The following SPTB variants were observed in gnomAD, a reference collection of about 807,000 sequenced individuals.
The protein encoded by SPTB is spectrin beta chain, erythrocytic.
In SPTB, 45 loss-of-function variants were observed where a neutral mutation model predicts 256.2. That is an observed-to-expected ratio of 0.18 (90% CI 0.14 to 0.23). The LOEUF is 0.23. Among genes scored for constraint, SPTB ranks in the 10% least tolerant of loss-of-function variants. SPTB has a pLI of 1.00. For synonymous variants in SPTB, 1,231 were observed against 1,243.1 expected (o/e 0.99, Z 0.21); for missense variants, 2,715 against 3,040.4 (o/e 0.89, Z 2.52).
intron 1 of SPTB, among the ~76,000 whole-genome samples, 197 bp downstream of exon 1, chr14:64,879,595 G>A (rs1434952713): frequency 6.6e-6 from 1 of 152,196 alleles, no homozygotes. Flanking sequence ...GATCTTTGCC[G>A]CAGCTGCCGG....
intron 12 of SPTB, among the ~76,000 whole-genome samples, 199 bp from the exon 13 acceptor site, chr14:64,794,816 T>A (rs1425300906): frequency 1.3e-5 from 2 of 152,214 alleles, no homozygotes; most frequent in Non-Finnish European, 2.9e-5. Flanking sequence ...GCATCATCCA[T>A]AGAACATCTT....
intron 1 of SPTB, among the ~76,000 whole-genome samples, chr14:64,843,910 C>G (rs960880893): frequency 2.2e-4 from 33 of 152,202 alleles, no homozygotes; most frequent in African/African-American, 8.0e-4. Context: ...CACCAGCCTC[C>G]CATCCCAGCA....
chr14:64,789,986 C>T (rs1329451212), intron 15 of SPTB, among the ~76,000 whole-genome samples: 4 of 152,164 alleles, frequency 2.6e-5, no homozygotes, highest in East Asian at 1.9e-4. Context: ...GAGCTATACA[C>T]GGAAGAGGAA....
rs1022695802 is a variant in SPTB, at chr14:64,764,268, G to A, written c.6345+2458C>T. Among the ~76,000 whole-genome samples the A allele has an allele frequency of 2.6e-5, 4 of 152,234 alleles. No individual in the cohort carries two copies. The highest frequency in any genetic ancestry group is 4.4e-5 in the Non-Finnish European group (3 of 68,036). On this transcript the variant is annotated intron_variant, in intron 32 of 35. Coordinates refer to ENST00000644917, the MANE Select transcript of SPTB (RefSeq NM_001355436.2). This position sits in a 1 kb window ranked among gnomAD's most constrained non-coding sequence, Gnocchi z 4.2. ...TTCTAGAGCCAGGTTGGGCTTTCCC[G>A]ACAGGCTCTGTCCTCCTCTTTCTTG...
At chr14:64,799,235 A>G (rs1292432111) in intron 9 of SPTB, among the ~76,000 whole-genome samples, 3 of 152,272 alleles carry the variant, frequency 2.0e-5, no homozygotes, top group Non-Finnish European at 4.4e-5. Context: ...GCATATGCAC[A>G]CAGGCTCTGC....
At chr14:64,874,246 C>G (rs72625643) in intron 1 of SPTB, among the ~76,000 whole-genome samples, 8,165 of 152,254 alleles carry the variant, frequency 0.054, 284 homozygotes, top group East Asian at 0.079. Flanking sequence ...TTATAGAAAT[C>G]CTAGGCACTT....
At chr14:64,788,244 C>A in intron 15 of SPTB, among the ~76,000 whole-genome samples, 1 of 152,196 alleles carries the variant, frequency 6.6e-6, no homozygotes, top group Non-Finnish European at 1.5e-5. Flanking sequence ...AGTGCCTCCA[C>A]TGGAGTGACC....
At chr14:64,761,763 G>C (rs561750972) in intron 32 of SPTB, among the ~76,000 whole-genome samples, 1 of 152,210 alleles carries the variant, frequency 6.6e-6, no homozygotes, top group Non-Finnish European at 1.5e-5. Flanking sequence ...TGAAGGAGCT[G>C]CTGGCTGCTT....
rs1276536864 is a variant in SPTB at position 64,797,742 on chromosome 14, G to C, written c.1169C>G (p.Ser390Cys). 6.2e-7 allele frequency: 1 copy of C among 1,612,646 alleles called. No homozygotes were observed. The highest frequency in any genetic ancestry group is 1.7e-5 in the Admixed American group (1 of 60,022). The stretch of plus-strand genomic sequence containing the variant: ...ATGCTGTGGTACCCTGTTGATGTCA[G>C]ACACTAGTTTCCCATCGTGGGGTGT... Reference protein sequence around the residue: ...VYTPHDGKLVSDINRAWESLE... With the variant: ...VYTPHDGKLVCDINRAWESLE... Residue 390 changes from serine (S) to cysteine (C), a missense_variant, in exon 10 of 36, where the codon TCT becomes TGT. This residue lies in a region of SPTB where 416 missense variants were observed against 571.1 expected (regional missense o/e 0.73). Transcript: ENST00000644917.
At chr14:64,767,573 T>A in intron 30 of SPTB, 90 bp downstream of exon 30, 1 of 1,531,518 alleles carries the variant, frequency 6.5e-7, no homozygotes, top group Non-Finnish European at 9.0e-7. Flanking sequence ...CCATTCTAAG[T>A]ACCTAACAAC....
At chr14:64,754,126 GA>G (rs1233243621) in intron 32 of SPTB, 2 of 442,524 alleles carry the variant, frequency 4.5e-6, no homozygotes, top group Non-Finnish European at 8.4e-6. Flanking sequence ...AAAGGGGTGT[GA>G]GGGGGGGCAG....
chr14:64,800,483 T>C (rs151070755), intron 8 of SPTB, among the ~76,000 whole-genome samples: 9 of 152,214 alleles, frequency 5.9e-5, no homozygotes, highest in African/African-American at 2.2e-4. Flanking sequence ...GCCTGGAGGG[T>C]TCCTGTGGGG....
intron 19 of SPTB, among the ~76,000 whole-genome samples, chr14:64,782,830 A>G (rs2082495686): frequency 6.6e-6 from 1 of 151,976 alleles, no homozygotes; most frequent in African/African-American, 2.4e-5. Flanking sequence ...AAAAAAAAAA[A>G]AAAAGCCTGT....
intron 15 of SPTB, among the ~76,000 whole-genome samples, chr14:64,788,867 A>G (rs974634944): frequency 6.6e-6 from 1 of 152,250 alleles, no homozygotes; most frequent in African/African-American, 2.4e-5. Context: ...GTCCTGGGCC[A>G]GGTTTTTCTT....
At chr14:64,861,833 G>A (rs988634366) in intron 1 of SPTB, among the ~76,000 whole-genome samples, 2 of 152,060 alleles carry the variant, frequency 1.3e-5, no homozygotes, top group Non-Finnish European at 2.9e-5. Flanking sequence ...CAGCCTTCAC[G>A]TACTCCTTTC....
chr14:64,772,518 G>A lies in SPTB; in HGVS notation c.5553+62C>T. ...AGGTTTTCCTGCTGACAGCCAGGTG[G>A]GGACTGACACCCAGGGCTCCTGGAA... On this transcript the variant is annotated intron_variant, in intron 26 of 35. Coordinates refer to ENST00000644917, the MANE Select transcript of SPTB (RefSeq NM_001355436.2). This position sits in a 1 kb window ranked among gnomAD's most constrained non-coding sequence, Gnocchi z 5.4. 8.8e-6 allele frequency: 14 copies of A among 1,590,746 alleles called. No homozygotes were observed. Among genetic ancestry groups the A allele is most frequent in the Non-Finnish European group, 1.1e-5 (13 of 1,176,568 alleles).
At chr14:64,876,713 G>C (rs72625645) in intron 1 of SPTB, among the ~76,000 whole-genome samples, 13,047 of 152,252 alleles carry the variant, frequency 0.086, 664 homozygotes, top group African/African-American at 0.13. Context: ...TAAAGCCTGA[G>C]ACTGCCTTCT....
rs774083320 is a variant in SPTB at position 64,803,658 on chromosome 14, G to A, written c.423C>T (p.Gly141=). ...ENMGSHDIVD[G]NHRLVLGLIW... is the part of the protein sequence containing the mutation. Reference sequence around the variant, plus strand: ...TGAGGCCCAGGACCAGGCGGTGGTTGCCATCTACAATGTCGTGGGAGCCCA... The same window carrying A: ...TGAGGCCCAGGACCAGGCGGTGGTTACCATCTACAATGTCGTGGGAGCCCA... The change falls in exon 4 of 36, where the codon GGC becomes GGT. Residue 141 remains glycine (G), a synonymous_variant. Coordinates refer to ENST00000644917, the MANE Select transcript of SPTB (RefSeq NM_001355436.2). 1.1e-5 allele frequency: 17 copies of A among 1,614,188 alleles called. No homozygotes were observed. Among genetic ancestry groups the A allele is most frequent in the Non-Finnish European group, 1.3e-5 (15 of 1,180,030 alleles).
intron 1 of SPTB, among the ~76,000 whole-genome samples, chr14:64,876,943 T>C (rs1882852968): frequency 1.3e-5 from 2 of 152,282 alleles, no homozygotes; most frequent in Admixed American, 1.3e-4. Context: ...TACACATCAA[T>C]GATCAGGTAC....
Sources: gnomAD v4.1 joint callset for allele counts (sites outside exome capture counted in the v4.1 genomes callset) on GRCh38, gnomAD v4.1.1 for gene constraint, gnomAD v4.1.1 regional missense constraint, Gnocchi (gnomAD v3.1) non-coding constraint, MANE v1.5 for transcripts, NCBI Gene and HGNC (gene_info 2026-07-23, HGNC 2026-07-21) for gene names.